RANBP2: variants seen among roughly 807,000 people sequenced by gnomAD.
RANBP2 encodes RAN binding protein 2, also known as E3 SUMO-protein ligase RanBP2.
Under a neutral mutation model 303.6 loss-of-function variants are expected in RANBP2, and 57 were observed. The ratio of observed to expected loss-of-function variants is 0.19; its 90% confidence interval spans 0.15 to 0.23. The LOEUF is 0.23. RANBP2 is among the 10% of genes least tolerant of loss of function. RANBP2 has a pLI of 1.00. For missense variants in RANBP2, 3,138 were observed against 3,780.8 expected (o/e 0.83, Z 4.46); for synonymous variants, 1,167 against 1,301.5 (o/e 0.90, Z 2.23).
chr2:109,649,492 G>A, the RANBP2 span, among the ~76,000 whole-genome samples: 1 of 151,956 alleles, frequency 6.6e-6, no homozygotes, highest in East Asian at 1.9e-4. Flanking sequence ...CTGCCTCCCG[G>A]GTTCAAGCGA....
chr2:108,816,209 G>A, the RANBP2 span: 1 of 848,608 alleles, frequency 1.2e-6, no homozygotes, highest in Admixed American at 2.7e-5. Context: ...CCATCACTTT[G>A]GGAGTTCGAG....
the RANBP2 span, among the ~76,000 whole-genome samples, chr2:109,249,334 T>C: frequency 6.6e-6 from 1 of 152,072 alleles, no homozygotes; most frequent in East Asian, 1.9e-4. Context: ...CACATAATCT[T>C]TGCAAAAAAT....
the RANBP2 span, among the ~76,000 whole-genome samples, chr2:109,480,700 G>T: frequency 3.9e-5 from 6 of 152,128 alleles, no homozygotes; most frequent in Non-Finnish European, 7.4e-5. Flanking sequence ...CTGGGTACAG[G>T]CTCCTAACCT....
At chr2:109,311,803 C>T in the RANBP2 span, among the ~76,000 whole-genome samples, 4 of 152,202 alleles carry the variant, frequency 2.6e-5, no homozygotes, top group Admixed American at 6.5e-5. Flanking sequence ...ATGGCAGAGA[C>T]AGCAAACTTT....
At chr2:109,341,718 C>T in the RANBP2 span, among the ~76,000 whole-genome samples, 1 of 152,172 alleles carries the variant, frequency 6.6e-6, no homozygotes, top group African/African-American at 2.4e-5. Context: ...GCCCACCCTA[C>T]TGTGTCTACC....
At chr2:109,744,773 G>A in the RANBP2 span, among the ~76,000 whole-genome samples, 1 of 30,432 alleles carries the variant, frequency 3.3e-5, no homozygotes, top group Admixed American at 3.7e-4. Flanking sequence ...TGATAACATC[G>A]AATGCTGGTG....
At chr2:108,869,576 A>G in the RANBP2 span, among the ~76,000 whole-genome samples, 5 of 152,240 alleles carry the variant, frequency 3.3e-5, no homozygotes, top group Admixed American at 3.3e-4. Context: ...GTGGATGTGT[A>G]GGAGGAAGAG....
Position 108,726,247 on chromosome 2 carries a change from C to T in RANBP2, c.73-2885C>T, listed in dbSNP as rs149230907. Among the ~76,000 whole-genome samples the T allele has an allele frequency of 6.0e-3, 918 of 152,246 alleles. 13 individuals are homozygous for T. The highest frequency in any genetic ancestry group is 0.021 in the African/African-American group (873 of 41,534). ...CCGACATATTCATGCTGTATGTGCT[C>T]GCCACCCGCTAGTTACATACTAGTC... On this transcript the variant is annotated intron_variant, in intron 1 of 28. Transcript: ENST00000283195.
the RANBP2 span, among the ~76,000 whole-genome samples, chr2:109,688,338 G>T: frequency 6.6e-6 from 1 of 152,124 alleles, no homozygotes; most frequent in African/African-American, 2.4e-5. Context: ...TCCTCTGATG[G>T]CTTTGGCTCT....
In RANBP2 at chr2:108,783,651, A is replaced by G. The variant is rs763670771; in HGVS notation, c.9425A>G (p.Lys3142Arg). Residue 3142 changes from lysine to arginine, a missense_variant, in exon 29 of 29, where the codon AAA becomes AGA. This residue lies in a region of RANBP2 where 204 missense variants were observed against 228.4 expected (regional missense o/e 0.89). Transcript: ENST00000283195. ...GGCGGACAGTCCATTTATGGAGACA[A>G]ATTTGAAGATGAAAATTTTGATGTG... ...GTGGQSIYGD[K>R]FEDENFDVKH... 9.3e-6 allele frequency: 15 copies of G among 1,612,088 alleles called. No homozygotes were observed. The African/African-American group carries it at 9.3e-5, about 10-fold the overall frequency.
the RANBP2 span, among the ~76,000 whole-genome samples, chr2:109,429,382 A>G: frequency 6.6e-6 from 1 of 152,154 alleles, no homozygotes; most frequent in Non-Finnish European, 1.5e-5. Flanking sequence ...CAGTTCCCCC[A>G]GCAACCTACA....
At chr2:109,326,388 A>T in the RANBP2 span, among the ~76,000 whole-genome samples, 1 of 152,150 alleles carries the variant, frequency 6.6e-6, no homozygotes, top group Non-Finnish European at 1.5e-5. Flanking sequence ...GTAGAAGTAC[A>T]TCCTTACCCT....
chr2:109,371,830 C>G, the RANBP2 span: 26 of 704,250 alleles, frequency 3.7e-5, no homozygotes, highest in African/African-American at 3.9e-4. Flanking sequence ...TATGTGTGGG[C>G]TTTGATTCAC....
rs761191542 is a variant in RANBP2 at position 108,753,841 on chromosome 2, C to T, written c.2072C>T (p.Ala691Val). Residue 691 changes from alanine to valine, a missense_variant, in exon 15 of 29, where the codon GCA (alanine) becomes GTA (valine). This residue lies in a region of RANBP2 where 194 missense variants were observed against 197.4 expected (regional missense o/e 0.98). Coordinates refer to ENST00000283195, the MANE Select transcript of RANBP2 (RefSeq NM_006267.5). The part of the protein sequence containing the change: ...WNLALIFHRK[A>V]EDIENDALSP... ...TTTGTATAGATTTTTCACAGGAAGG[C>T]AGAAGACATTGAAAATGATGCCCTT... The T allele has an allele frequency of 8.7e-6, 14 of 1,611,788 alleles. No individual in the cohort carries two copies. In the East Asian group the frequency reaches 2.9e-4, roughly 33 times the overall value.
chr2:109,254,415 G>A, the RANBP2 span, among the ~76,000 whole-genome samples: 1 of 152,130 alleles, frequency 6.6e-6, no homozygotes, highest in African/African-American at 2.4e-5. Context: ...TCATTGGACT[G>A]TTGGGGAGGT....
chr2:109,621,845 G>A, the RANBP2 span, among the ~76,000 whole-genome samples: 15 of 151,944 alleles, frequency 9.9e-5, no homozygotes, highest in East Asian at 1.9e-4. Context: ...CCCGGGAGGC[G>A]GAGGTTGCAG....
At chr2:109,092,530 C>T in the RANBP2 span, among the ~76,000 whole-genome samples, 1 of 152,164 alleles carries the variant, frequency 6.6e-6, no homozygotes, top group East Asian at 1.9e-4. Context: ...AATCTTTTAC[C>T]TACATTTCCA....
chr2:108,978,965 G>A, the RANBP2 span, among the ~76,000 whole-genome samples: 2 of 152,236 alleles, frequency 1.3e-5, no homozygotes, highest in Non-Finnish European at 2.9e-5. Context: ...ACCCGGGAAA[G>A]TTCTCAGCAG....
the RANBP2 span, among the ~76,000 whole-genome samples, chr2:109,034,756 G>A: frequency 6.6e-6 from 1 of 152,206 alleles, no homozygotes; most frequent in Non-Finnish European, 1.5e-5. Flanking sequence ...CCCACCATAA[G>A]CAGCAGAGAA....
Sources: gnomAD v4.1 joint callset for allele counts (sites outside exome capture counted in the v4.1 genomes callset) on GRCh38, gnomAD v4.1.1 for gene constraint, gnomAD v4.1.1 regional missense constraint, MANE v1.5 for transcripts, NCBI Gene and HGNC (gene_info 2026-07-23, HGNC 2026-07-21) for gene names.